The following DLGAP2 variants were observed in gnomAD, a reference collection of about 807,000 sequenced individuals.
DLGAP2 encodes disks large-associated protein 2.
A neutral mutation model predicts 100.3 loss-of-function variants in DLGAP2; 26 were observed. The observed-to-expected ratio is 0.26, with a 90% CI of 0.19 to 0.36. The LOEUF is 0.36. Ranked by LOEUF, DLGAP2 falls within the 10% of genes least tolerant of loss-of-function variation. The pLI is 1.00. For synonymous variants in DLGAP2, 886 were observed against 630.1 expected, an observed-to-expected ratio of 1.41 and a Z score of -6.08; for missense variants, 1,858 against 1,453.2, an observed-to-expected ratio of 1.28 and a Z score of -4.53.
At chr8:879,953 C>G (rs528740978) in intron 1 of DLGAP2, among the ~76,000 whole-genome samples, 2 of 152,190 alleles carry the variant, frequency 1.3e-5, no homozygotes, top group Admixed American at 6.5e-5. Flanking sequence ...CCATATCCCT[C>G]GAGTCTGCAG....
chr8:1,334,339 C>A (rs1044626623), intron 3 of DLGAP2, among the ~76,000 whole-genome samples: 9 of 152,208 alleles, frequency 5.9e-5, no homozygotes, highest in African/African-American at 2.2e-4. Context: ...TTCCTGGCGT[C>A]GGCCCTCATC....
At chr8:1,217,085 G>A (rs927739014) in intron 2 of DLGAP2, among the ~76,000 whole-genome samples, 12 of 152,018 alleles carry the variant, frequency 7.9e-5, no homozygotes, top group African/African-American at 2.9e-4. Flanking sequence ...CCCGATAGGT[G>A]GTTTTTCAAC....
intron 3 of DLGAP2, among the ~76,000 whole-genome samples, chr8:1,352,944 G>T (rs7823212): frequency 0.16 from 24,494 of 152,214 alleles, 2,101 homozygotes; most frequent in East Asian, 0.3. Context: ...GGTGCTCTTT[G>T]ACTGTTCCAG....
Position 1,637,036 on chromosome 8 carries a change from A to C in DLGAP2, c.1810+3990A>C, listed in dbSNP as rs1797782905. On this transcript the variant is annotated intron_variant, in intron 8 of 14. Coordinates refer to ENST00000637795, the MANE Select transcript of DLGAP2 (RefSeq NM_001346810.2). ...AGGTTGGAGGGAGGAGGTGCACCCC[A>C]GAGGAGGAATACCCGTCTGGCCGCC... Among the ~76,000 whole-genome samples, 3 of 152,214 alleles carry C rather than the reference A, an allele frequency of 2.0e-5. No individual in the cohort carries two copies. In the South Asian group the frequency reaches 6.2e-4, roughly 32 times the overall value.
chr8:1,185,138 C>T (rs958016164), intron 2 of DLGAP2, among the ~76,000 whole-genome samples: 10 of 152,224 alleles, frequency 6.6e-5, no homozygotes, highest in South Asian at 2.1e-4. Flanking sequence ...CTGGTGGCGA[C>T]GGCATAACTG....
chr8:1,531,589 A>G (rs939360272), intron 4 of DLGAP2, among the ~76,000 whole-genome samples: 2 of 152,226 alleles, frequency 1.3e-5, no homozygotes, highest in Non-Finnish European at 2.9e-5. Context: ...AGCCTGGGCA[A>G]CAAGAATGAA....
chr8:1,115,067 A>G (rs1269341736), intron 2 of DLGAP2, among the ~76,000 whole-genome samples: 2 of 152,172 alleles, frequency 1.3e-5, no homozygotes, highest in Non-Finnish European at 2.9e-5. Context: ...TGTATTTGGC[A>G]TGGTTTCAGT....
chr8:1,329,055 G>T (rs1801089018), intron 3 of DLGAP2, among the ~76,000 whole-genome samples: 1 of 152,208 alleles, frequency 6.6e-6, no homozygotes, highest in Non-Finnish European at 1.5e-5. Context: ...TGATGACTTG[G>T]CTAAACTGCG....
rs544263593 is a variant in DLGAP2, at chr8:1,166,619, A to T, written c.74-92232A>T. Among the ~76,000 whole-genome samples the T allele has an allele frequency of 5.9e-5, 9 of 152,274 alleles. No homozygotes were observed. In the East Asian group the frequency reaches 1.7e-3, roughly 29 times the overall value. Reference sequence around the variant, plus strand: ...CTCCAATTATTTTATCCTTTCTAAGAATACGGAGTCTCCTGTCAATGCCGC... The same window carrying T: ...CTCCAATTATTTTATCCTTTCTAAGTATACGGAGTCTCCTGTCAATGCCGC... On this transcript the variant is annotated intron_variant, in intron 2 of 14. Transcript: ENST00000637795.
rs1802391052 is a variant in DLGAP2, at chr8:1,042,743, G to A, written c.73+134777G>A. Reference sequence around the variant, plus strand: ...GTGGTGGATGTGAGTGGTGGATGTGGGTCGTGGATGTAGGTGGTGGATGTG... The same window carrying A: ...GTGGTGGATGTGAGTGGTGGATGTGAGTCGTGGATGTAGGTGGTGGATGTG... On this transcript the variant is annotated intron_variant, in intron 2 of 14. Transcript: ENST00000637795. Among the ~76,000 whole-genome samples, 2 of 135,914 alleles carry A rather than the reference G, an allele frequency of 1.5e-5. 1 individual carries two copies. The highest frequency in any genetic ancestry group is 3.2e-5 in the Non-Finnish European group (2 of 63,056). 89.2% of individuals were successfully genotyped at this position (135,914 alleles called of 152,430 possible). A position where few individuals can be genotyped will look rare whatever the true frequency, so the allele number is the denominator to read the frequency against.
At chr8:819,901 G>C (rs531448609) in intron 1 of DLGAP2, among the ~76,000 whole-genome samples, 1 of 152,124 alleles carries the variant, frequency 6.6e-6, no homozygotes, top group African/African-American at 2.4e-5. Context: ...TTTCCTGTTT[G>C]GATTGGTCAT....
chr8:806,318 G>T (rs1796268706), intron 1 of DLGAP2, among the ~76,000 whole-genome samples: 1 of 152,182 alleles, frequency 6.6e-6, no homozygotes, highest in Non-Finnish European at 1.5e-5. Context: ...CTTCTCTCTG[G>T]AGGGCGGCCC....
intron 1 of DLGAP2, among the ~76,000 whole-genome samples, chr8:790,987 C>T (rs1347449647): frequency 6.6e-6 from 1 of 152,164 alleles, no homozygotes; most frequent in Non-Finnish European, 1.5e-5. Context: ...AAATGATGCA[C>T]CCGCCTCAGC....
At chr8:1,566,670 C>A (rs1221812200) in intron 6 of DLGAP2, among the ~76,000 whole-genome samples, 8 of 152,174 alleles carry the variant, frequency 5.3e-5, no homozygotes. Flanking sequence ...TAATTATGAC[C>A]CACACATCAG....
At chr8:1,223,202 G>A (rs1798351480) in intron 2 of DLGAP2, among the ~76,000 whole-genome samples, 1 of 152,154 alleles carries the variant, frequency 6.6e-6, no homozygotes, top group South Asian at 2.1e-4. Context: ...CTGGTGCCCA[G>A]CAACCCTGTC....
chr8:1,140,219 C>T (rs1416032972), intron 2 of DLGAP2, among the ~76,000 whole-genome samples: 1 of 152,152 alleles, frequency 6.6e-6, no homozygotes, highest in African/African-American at 2.4e-5. Flanking sequence ...GGCCTCAGCG[C>T]TCGTCCCGCT....
chr8:1,412,382 T>G (rs921452327), intron 3 of DLGAP2, among the ~76,000 whole-genome samples: 1 of 152,166 alleles, frequency 6.6e-6, no homozygotes, highest in Non-Finnish European at 1.5e-5. Flanking sequence ...GATGTGGAGG[T>G]TCCAAAAGGT....
intron 1 of DLGAP2, among the ~76,000 whole-genome samples, chr8:752,178 C>A (rs1033893164): frequency 6.6e-6 from 1 of 152,184 alleles, no homozygotes. Context: ...CATTGGTCTC[C>A]CACTTTTTCC....
At position 1,636,792 on chromosome 8, in the gene DLGAP2, G is replaced by T. The variant is rs539298823; in HGVS notation, c.1810+3746G>T. On this transcript the variant is annotated intron_variant, in intron 8 of 14. Coordinates refer to ENST00000637795, the MANE Select transcript of DLGAP2 (RefSeq NM_001346810.2). ...GATATGCAAGTTTGCCTGACAAGAT[G>T]GTGAGAACATATTTTAAAACTTGAA... Among the ~76,000 whole-genome samples the T allele has an allele frequency of 3.3e-4, 50 of 152,258 alleles. 1 individual carries two copies. The highest frequency in any genetic ancestry group is 5.3e-4 in the Non-Finnish European group (36 of 68,024).
Sources: gnomAD v4.1 joint callset for allele counts (sites outside exome capture counted in the v4.1 genomes callset) on GRCh38, gnomAD v4.1.1 for gene constraint, MANE v1.5 for transcripts, NCBI Gene and HGNC (gene_info 2026-07-23, HGNC 2026-07-21) for gene names.